Variants in PPP1R13B observed in about 807,000 individuals in gnomAD.
PPP1R13B encodes the protein apoptosis-stimulating of p53 protein 1.
PPP1R13B carries 44 observed loss-of-function variants against 119.8 expected under a neutral mutation model. That is an observed-to-expected ratio of 0.37 (90% CI 0.29 to 0.47). The LOEUF (loss-of-function observed/expected upper bound fraction) is 0.47. Among genes scored for constraint, PPP1R13B ranks in the 20% least tolerant of loss-of-function variants. The pLI is 0.99. For missense variants in PPP1R13B, 1,227 were observed against 1,413.5 expected (o/e 0.87, Z 2.12); for synonymous variants, 542 against 561.5 (o/e 0.97, Z 0.49).
chr14:103,753,517 C>G (rs1364044998), intron 6 of PPP1R13B, among the ~76,000 whole-genome samples: 1 of 152,162 alleles, frequency 6.6e-6, no homozygotes, highest in African/African-American at 2.4e-5. Context: ...TCTCGTGCAT[C>G]ACTGTGACTT....
chr14:103,809,083 C>G (rs1343198562), intron 1 of PPP1R13B, among the ~76,000 whole-genome samples: 4 of 152,092 alleles, frequency 2.6e-5, no homozygotes, highest in African/African-American at 9.7e-5. Flanking sequence ...TCTCTAACTC[C>G]TGGGCTCAAT....
intron 1 of PPP1R13B, among the ~76,000 whole-genome samples, chr14:103,810,211 C>A (rs1195734013): frequency 6.6e-6 from 1 of 151,606 alleles, no homozygotes; most frequent in Non-Finnish European, 1.5e-5. Flanking sequence ...ATCATGAGGT[C>A]TGAAGTTCGA....
chr14:103,740,532 G>C lies in PPP1R13B; in HGVS notation c.1884C>G (p.His628Gln). ...GTGGTGTGCCCGTGGACAGTGACCC[G>C]TGAAGAAACGGCAGCGGCGATGGAG... ...STSPSPLPFL[H>Q]GSLSTGTPQP... Residue 628 changes from histidine to glutamine, a missense_variant, in exon 12 of 17, where the codon CAC (histidine) becomes CAG (glutamine). By Grantham distance (24) the His-to-Gln change is conservative. Transcript: ENST00000202556. The surrounding 1 kb of genome is among the most constrained non-coding windows in gnomAD (Gnocchi z 4.6). 6.3e-7 allele frequency: 1 copy of C among 1,576,824 alleles called. No homozygotes were observed. The highest frequency in any genetic ancestry group is 1.4e-5 in the African/African-American group (1 of 73,826).
chr14:103,751,905 A>C (rs1400506296), intron 7 of PPP1R13B, among the ~76,000 whole-genome samples: 1 of 152,196 alleles, frequency 6.6e-6, no homozygotes, highest in African/African-American at 2.4e-5. Context: ...TCATCAAAAG[A>C]GTTTACACAA....
intron 2 of PPP1R13B, among the ~76,000 whole-genome samples, chr14:103,793,212 A>G (rs1343092305): frequency 7.0e-6 from 1 of 142,812 alleles, no homozygotes. Flanking sequence ...GAAAGGAAAG[A>G]AAAGGAAAGA....
chr14:103,761,480 T>C (rs143860875), intron 4 of PPP1R13B, among the ~76,000 whole-genome samples: 22 of 151,992 alleles, frequency 1.4e-4, no homozygotes, highest in East Asian at 5.8e-4. Context: ...AAGCACTACA[T>C]AGGCCGGGCG....
At chr14:103,776,599 G>A (rs777308959) in intron 4 of PPP1R13B, among the ~76,000 whole-genome samples, 5 of 152,292 alleles carry the variant, frequency 3.3e-5, no homozygotes, top group South Asian at 2.1e-4. Flanking sequence ...CAGGCTGGGC[G>A]CGATGGCTCA....
rs565412990 is a variant in PPP1R13B at position 103,734,512 on chromosome 14, C to T, written c.*642G>A. On this transcript the variant is annotated 3_prime_UTR_variant, in exon 17 of 17. Transcript: ENST00000202556. ...GTCTTAGGGGTCCTGGTGCCCGTGG[C>T]GCGGCAGTCCAGCCACAGTGCTGGG... 2.7e-4 allele frequency: 124 copies of T among 456,232 alleles called. 1 individual carries two copies. The highest frequency in any genetic ancestry group is 1.5e-3 in the South Asian group (99 of 64,554). The allele number at this position is 456,232 out of a possible 1,614,324, so 28.3% of individuals were successfully genotyped here.
At chr14:103,784,964 C>T (rs746016524) in intron 2 of PPP1R13B, 50 bp from the exon 3 acceptor site, 4 of 1,473,426 alleles carry the variant, frequency 2.7e-6, no homozygotes, top group African/African-American at 2.8e-5. Flanking sequence ...ATGACTCCAA[C>T]CAAAAGTAAA....
upstream of PPP1R13B, chr14:103,847,637 C>T (rs1221405965): frequency 1.3e-5 from 13 of 984,648 alleles, no homozygotes; most frequent in Non-Finnish European, 1.6e-5. Context: ...CGCGACGCCC[C>T]GCACGGGTCC....
chr14:103,847,142 G>A (rs891000889), intron 1 of PPP1R13B, 157 bp downstream of exon 1: 2 of 978,838 alleles, frequency 2.0e-6, no homozygotes, highest in Non-Finnish European at 2.4e-6. Context: ...CTGCCCGCCT[G>A]GGGGGCGCCG....
intron 2 of PPP1R13B, among the ~76,000 whole-genome samples, chr14:103,788,722 C>G (rs1444378970): frequency 6.6e-6 from 1 of 151,932 alleles, no homozygotes; most frequent in African/African-American, 2.4e-5. Context: ...CTCTGTGAGT[C>G]TACAGAAACC....
chr14:103,814,663 C>T (rs1394969051), intron 1 of PPP1R13B, among the ~76,000 whole-genome samples: 3 of 151,964 alleles, frequency 2.0e-5, no homozygotes, highest in Non-Finnish European at 4.4e-5. Context: ...CAAAAACCGG[C>T]GGCGGGGCGC....
chr14:103,741,858 T>C lies in PPP1R13B; in HGVS notation c.1754A>G (p.Gln585Arg). Residue 585 changes from glutamine (Q) to arginine (R), a missense_variant, in exon 11 of 17, where the codon CAG (glutamine) becomes CGG (arginine). By Grantham distance (43) the Gln-to-Arg change is conservative (BLOSUM62 1). Coordinates refer to ENST00000202556, the MANE Select transcript of PPP1R13B (RefSeq NM_015316.3). Reference protein sequence around the residue: ...NSSSIYSMYLQQATPPKNYQP... With the variant: ...NSSSIYSMYLRQATPPKNYQP... ...GTAATTCTTAGGTGGTGTGGCTTGCTGGAGGTACATGGAGTATATGGAACT... is the reference window on the plus strand; with the variant it reads ...GTAATTCTTAGGTGGTGTGGCTTGCCGGAGGTACATGGAGTATATGGAACT... The C allele has an allele frequency of 6.2e-7, 1 of 1,614,250 alleles. No individual in the cohort carries two copies. The highest frequency in any genetic ancestry group is 8.5e-7 in the Non-Finnish European group (1 of 1,180,044).
At chr14:103,783,196 T>C (rs772802006) in intron 3 of PPP1R13B, among the ~76,000 whole-genome samples, 45 of 147,806 alleles carry the variant, frequency 3.0e-4, no homozygotes, top group Admixed American at 1.4e-3. Context: ...CTTCCCAGTT[T>C]ATAATTTATC....
At chr14:103,793,474 C>T (rs1451320835) in intron 2 of PPP1R13B, among the ~76,000 whole-genome samples, 1 of 152,156 alleles carries the variant, frequency 6.6e-6, no homozygotes, top group Non-Finnish European at 1.5e-5. Context: ...TTCCCTTCAC[C>T]TTCTGTCATG....
chr14:103,841,792 A>G (rs771937015), intron 1 of PPP1R13B, among the ~76,000 whole-genome samples: 1 of 152,208 alleles, frequency 6.6e-6, no homozygotes, highest in Non-Finnish European at 1.5e-5. Context: ...GAAGCCTGCC[A>G]AAACAAGTGT....
At position 103,771,671 on chromosome 14, in the gene PPP1R13B, G is replaced by A. The variant is rs2085073290; in HGVS notation, c.354+7074C>T. The stretch of plus-strand genomic sequence containing the variant: ...AATTTTTGTATTTTTAGTAGAGATG[G>A]GGTTTCACCATGTTGGCCAGGCTAG... On this transcript the variant is annotated intron_variant, in intron 4 of 16. Coordinates refer to ENST00000202556, the MANE Select transcript of PPP1R13B (RefSeq NM_015316.3). Among the ~76,000 whole-genome samples, 9 of 151,898 alleles carry A rather than the reference G, an allele frequency of 5.9e-5. No individual in the cohort carries two copies. The South Asian group carries it at 1.7e-3, about 28-fold the overall frequency.
upstream of PPP1R13B, chr14:103,847,823 T>A: frequency 1.7e-5 from 3 of 177,076 alleles, no homozygotes; most frequent in Non-Finnish European, 3.3e-5. Context: ...CGCCCTTGCG[T>A]GAGCCCCGAC....
Sources: gnomAD v4.1 joint callset for allele counts (sites outside exome capture counted in the v4.1 genomes callset) on GRCh38, gnomAD v4.1.1 for gene constraint, Gnocchi (gnomAD v3.1) non-coding constraint, MANE v1.5 for transcripts, NCBI Gene and HGNC (gene_info 2026-07-23, HGNC 2026-07-21) for gene names.